COL9A3: variants seen among roughly 807,000 people sequenced by gnomAD.
The protein encoded by COL9A3 is collagen type IX alpha 3 chain.
COL9A3 carries 82 observed loss-of-function variants against 110.2 expected under a neutral mutation model. The ratio of observed to expected loss-of-function variants is 0.74; its 90% CI spans 0.62 to 0.89. The LOEUF is 0.89. Among genes scored for constraint, COL9A3 ranks in the 40% least tolerant of loss-of-function variants. The pLI is 0.00. For synonymous variants in COL9A3, 494 were observed against 403.8 expected (o/e 1.22, Z -2.68); for missense variants, 1,066 against 981.3 (o/e 1.09, Z -1.15).
At chr20:62,828,669 A>C (rs2063572294) in intron 17 of COL9A3, 95 bp from the exon 18 acceptor site, 4 of 1,380,664 alleles carry the variant, frequency 2.9e-6, no homozygotes, top group Non-Finnish European at 4.1e-6. Context: ...ACACAGTTTT[A>C]GGTTGATGGG....
At chr20:62,835,791 C>G (rs745843460) in intron 26 of COL9A3, 130 bp from the exon 27 acceptor site, 1 of 915,356 alleles carries the variant, frequency 1.1e-6, no homozygotes, top group Non-Finnish European at 1.8e-6. Flanking sequence ...ACGGAAGGAA[C>G]CACTGTCAAT....
chr20:62,838,572 C>T, intron 30 of COL9A3, 112 bp from the exon 31 acceptor site: 1 of 993,004 alleles, frequency 1.0e-6, no homozygotes. Flanking sequence ...TAAATGTTTC[C>T]ACTTCAGTGA....
intron 2 of COL9A3, 112 bp downstream of exon 2, chr20:62,817,747 C>G: frequency 1.3e-6 from 1 of 741,906 alleles, no homozygotes; most frequent in Non-Finnish European, 2.2e-6. Context: ...CCTCCCAGAG[C>G]CGGGGTGACA....
intron 12 of COL9A3, chr20:62,825,473 C>G (rs571047117): frequency 2.7e-5 from 11 of 412,114 alleles, no homozygotes; most frequent in African/African-American, 1.8e-4. Flanking sequence ...GGCCGGGGGA[C>G]CAGGTCTGGG....
At position 62,836,541 on chromosome 20, in the gene COL9A3, G is replaced by GC; in HGVS notation, c.1603+11dup. On this transcript the variant is annotated intron_variant, in intron 29 of 31. Transcript: ENST00000649368. ...TGGGGGGATGATCAGCGGTAAGTCA[G>GC]CCACGTGCACCGGCTGCAGCGGGGC... is the stretch of plus-strand genomic sequence containing the variant. The GC allele has an allele frequency of 6.2e-7, 1 of 1,606,700 alleles. No individual in the cohort carries two copies. Among genetic ancestry groups the GC allele is most frequent in the Non-Finnish European group, 8.5e-7 (1 of 1,176,546 alleles).
chr20:62,833,694 C>T (rs542485152), intron 26 of COL9A3, among the ~76,000 whole-genome samples: 217 of 150,314 alleles, frequency 1.4e-3, no homozygotes, highest in Non-Finnish European at 2.1e-3. Flanking sequence ...TGAGCCACCG[C>T]GCCCGGCCGG....
chr20:62,830,447 G>A (rs758357056), intron 23 of COL9A3, 34 bp downstream of exon 23: 50 of 1,578,420 alleles, frequency 3.2e-5, no homozygotes, highest in Non-Finnish European at 4.0e-5. Flanking sequence ...CTGGCATGGG[G>A]GGCGGCACAC....
intron 18 of COL9A3, 42 bp from the exon 19 acceptor site, chr20:62,828,881 G>C: frequency 6.2e-7 from 1 of 1,612,314 alleles, no homozygotes; most frequent in Admixed American, 1.7e-5. Context: ...GCCTCCCGAG[G>C]CCTCAGCCTC....
chr20:62,824,239 G>T (rs1397065943), intron 10 of COL9A3, among the ~76,000 whole-genome samples: 2 of 147,106 alleles, frequency 1.4e-5, no homozygotes, highest in Non-Finnish European at 3.0e-5. Context: ...GCCTCCTGGG[G>T]TCCCATCATC....
At chr20:62,832,053 A>T in intron 24 of COL9A3, 101 bp from the exon 25 acceptor site, 1 of 1,157,706 alleles carries the variant, frequency 8.6e-7, no homozygotes, top group Admixed American at 1.7e-5. Flanking sequence ...TGCAGCACAG[A>T]TGGAGATGTG....
intron 15 of COL9A3, among the ~76,000 whole-genome samples, 180 bp from the exon 16 acceptor site, chr20:62,827,061 C>T (rs2063558714): frequency 6.6e-6 from 1 of 152,186 alleles, no homozygotes; most frequent in African/African-American, 2.4e-5. Flanking sequence ...CATCGTCCCT[C>T]TGGCACCTCC....
At chr20:62,818,055 C>T (rs999230766) in intron 2 of COL9A3, among the ~76,000 whole-genome samples, 2 of 152,134 alleles carry the variant, frequency 1.3e-5, no homozygotes, top group African/African-American at 4.8e-5. Flanking sequence ...ATGATGTCCC[C>T]TATGGGTATC....
chr20:62,836,466 G>C lies in COL9A3; in HGVS notation c.1549-12G>C, dbSNP rs1181372382. ...CGCCCCCATGCTGACGAATGTGTGG[G>C]GTGAATTCCAGGGGAAGGAGGCCAG... On this transcript the variant is annotated splice_polypyrimidine_tract_variant and intron_variant, in intron 28 of 31. Coordinates refer to ENST00000649368, the MANE Select transcript of COL9A3 (RefSeq NM_001853.4). 2 of 1,613,650 alleles carry C rather than the reference G, an allele frequency of 1.2e-6. No homozygotes were observed. Among genetic ancestry groups the C allele is most frequent in the Non-Finnish European group, 8.5e-7 (1 of 1,179,776 alleles).
At chr20:62,821,612 C>T in intron 7 of COL9A3, 82 bp downstream of exon 7, 2 of 1,601,070 alleles carry the variant, frequency 1.2e-6, no homozygotes, top group Non-Finnish European at 1.7e-6. Flanking sequence ...CAAACCGTGC[C>T]TGGGGGTGGG....
intron 20 of COL9A3, 62 bp downstream of exon 20, chr20:62,829,561 T>A: frequency 6.2e-7 from 1 of 1,602,504 alleles, no homozygotes. Context: ...GGCAAGGGGC[T>A]GGGGGGCCAG....
intron 30 of COL9A3, 71 bp downstream of exon 30, chr20:62,837,336 T>C: frequency 6.7e-7 from 1 of 1,486,774 alleles, no homozygotes; most frequent in Non-Finnish European, 9.2e-7. Context: ...TAGTAGGCGC[T>C]GCTTCTGGTG....
rs372362105 is a variant in COL9A3, at chr20:62,828,940, C to T, written c.972C>T (p.Asn324=). The change falls in exon 19 of 32, where the codon AAC becomes AAT. Residue 324 remains asparagine, a synonymous_variant. Transcript: ENST00000649368. The part of the protein sequence containing the change: ...LDGQKGEAGR[N]GAPGEKGPNG... ...CCTCACAGGGAGAGGCTGGTCGCAA[C>T]GGTGCTCCGGGAGAGAAGGGCCCCA... 20 of 1,611,320 alleles carry T rather than the reference C, an allele frequency of 1.2e-5. No individual in the cohort carries two copies. The highest frequency in any genetic ancestry group is 6.7e-5 in the African/African-American group (5 of 74,932).
chr20:62,832,625 G>C (rs1222460581), intron 25 of COL9A3, among the ~76,000 whole-genome samples: 6 of 118,412 alleles, frequency 5.1e-5, no homozygotes, highest in East Asian at 2.3e-4. Context: ...TCTGCTGTTC[G>C]AAGCACTCTT....
rs1269383964 is a variant in COL9A3 at position 62,818,638 on chromosome 20, G to A, written c.183+85G>A. 2.8e-6 allele frequency: 4 copies of A among 1,406,784 alleles called. No individual in the cohort carries two copies. In the South Asian group the frequency reaches 3.4e-5, roughly 12 times the overall value. 87.1% of individuals were successfully genotyped at this position (1,406,784 alleles called of 1,614,324 possible). Reference sequence around the variant, plus strand: ...AGAACAGAGGGGTCATTGATATCCTGTCTCATCCTGCCGGAGCCCGGGTTG... The same window carrying A: ...AGAACAGAGGGGTCATTGATATCCTATCTCATCCTGCCGGAGCCCGGGTTG... On this transcript the variant is annotated intron_variant, in intron 3 of 31. Transcript: ENST00000649368.
Sources: allele counts gnomAD v4.1 joint callset (sites outside exome capture counted in the v4.1 genomes callset), GRCh38; gene constraint gnomAD v4.1.1; transcripts MANE v1.5; gene names NCBI Gene and HGNC (gene_info 2026-07-23, HGNC 2026-07-21).